Variants in PTGER3 observed in about 807,000 individuals in gnomAD.
PTGER3 encodes the protein prostaglandin E2 receptor EP3 subtype.
In PTGER3, 22 loss-of-function variants were observed where a neutral mutation model predicts 34.7. The ratio of observed to expected loss-of-function variants is 0.63; its 90% confidence interval spans 0.45 to 0.91. The LOEUF (loss-of-function observed/expected upper bound fraction) is 0.91. Ranked by LOEUF, PTGER3 falls within the 40% of genes least tolerant of loss-of-function variation. PTGER3 has a pLI of 0.00. For missense variants in PTGER3, 468 were observed against 519.4 expected (o/e 0.90, Z 0.96); for synonymous variants, 241 against 230.1 (o/e 1.05, Z -0.43).
chr1:70,952,307 G>T (rs1572739751), downstream of PTGER3: 1 of 580,592 alleles, frequency 1.7e-6, no homozygotes, highest in Non-Finnish European at 2.2e-6. Flanking sequence ...GTAACTTCGT[G>T]ATGGGGTTAT....
Position 70,971,679 on chromosome 1 carries a change from C to A in PTGER3, c.*51G>T. The stretch of plus-strand genomic sequence containing the variant: ...TCCTTCTCAGGTGGGAAGAAATATG[C>A]AAATTCAGGGAAGCAGGAATTGCAA... On this transcript the variant is annotated 3_prime_UTR_variant, in exon 4 of 4. Coordinates refer to ENST00000306666, the MANE Select transcript of PTGER3 (RefSeq NM_198719.2). The A allele has an allele frequency of 6.5e-7, 1 of 1,546,016 alleles. No individual in the cohort carries two copies. The highest frequency in any genetic ancestry group is 1.4e-5 in the African/African-American group (1 of 72,012).
intron 4 of PTGER3, among the ~76,000 whole-genome samples, chr1:70,927,529 A>T (rs901981644): frequency 1.3e-5 from 2 of 152,218 alleles, no homozygotes; most frequent in African/African-American, 2.4e-5. Context: ...ACTACATAAC[A>T]TAAAAATGAG....
At chr1:71,000,533 G>T (rs1433441488) in intron 2 of PTGER3, among the ~76,000 whole-genome samples, 1 of 152,116 alleles carries the variant, frequency 6.6e-6, no homozygotes, top group East Asian at 1.9e-4. Context: ...TCATTTTAAA[G>T]CAGATGTGGT....
intron 2 of PTGER3, chr1:70,997,050 T>C (rs1181856481): frequency 6.6e-6 from 1 of 152,194 alleles, no homozygotes; most frequent in Non-Finnish European, 1.5e-5. Flanking sequence ...GGAGGACAGA[T>C]CAATTGAGGT....
At chr1:70,954,420 G>A (rs1174793152) in intron 2 of PTGER3, among the ~76,000 whole-genome samples, 1 of 152,126 alleles carries the variant, frequency 6.6e-6, no homozygotes, top group Non-Finnish European at 1.5e-5. Context: ...TGTGGGGTCA[G>A]GAGTGGGGAC....
downstream of PTGER3, among the ~76,000 whole-genome samples, chr1:70,948,267 T>C (rs548871614): frequency 6.6e-6 from 1 of 152,090 alleles, no homozygotes; most frequent in Non-Finnish European, 1.5e-5. Flanking sequence ...GGTGGTTACC[T>C]CCATGCTGGT....
chr1:70,921,552 C>A (rs1337257864), intron 4 of PTGER3, among the ~76,000 whole-genome samples: 1 of 151,994 alleles, frequency 6.6e-6, no homozygotes, highest in Non-Finnish European at 1.5e-5. Flanking sequence ...TAAGGCATAC[C>A]TCAGAACAGA....
At chr1:70,980,475 A>C (rs1406611317) in intron 2 of PTGER3, among the ~76,000 whole-genome samples, 1 of 152,002 alleles carries the variant, frequency 6.6e-6, no homozygotes, top group African/African-American at 2.4e-5. Context: ...TGGTGGAATT[A>C]AAGGATTAAT....
Position 71,032,558 on chromosome 1 carries a change from C to T in PTGER3, c.897+14123G>A, listed in dbSNP as rs149900879. On this transcript the variant is annotated intron_variant, in intron 1 of 3. Transcript: ENST00000306666. ...AAGACCTAGCCAAAGAGCTGCAAAG[C>T]TATGGCTTAGGCTGGTTCCTTAGGA... Among the ~76,000 whole-genome samples, 830 of 152,328 alleles carry T rather than the reference C, an allele frequency of 5.4e-3. 3 individuals are homozygous for T. Among genetic ancestry groups the T allele is most frequent in the Admixed American group, 8.6e-3 (131 of 15,300 alleles).
At chr1:70,971,877 A>G (rs1326775825) in intron 3 of PTGER3, 144 bp from the exon 4 acceptor site, 13 of 541,750 alleles carry the variant, frequency 2.4e-5, no homozygotes, top group Non-Finnish European at 2.2e-5. Flanking sequence ...AAGTAATTAC[A>G]TGTGTTTTAG....
chr1:70,956,849 G>T (rs1031555605), intron 2 of PTGER3, among the ~76,000 whole-genome samples: 5 of 152,136 alleles, frequency 3.3e-5, no homozygotes, highest in Middle Eastern at 3.2e-3. Flanking sequence ...ACAAAAATTA[G>T]CCAGGTGAGG....
At chr1:71,035,402 T>G (rs1432828971) in intron 1 of PTGER3, among the ~76,000 whole-genome samples, 1 of 152,192 alleles carries the variant, frequency 6.6e-6, no homozygotes, top group African/African-American at 2.4e-5. Context: ...GCACATCTGG[T>G]TCAATATTTT....
At chr1:70,956,319 G>A (rs1365621124) in intron 2 of PTGER3, among the ~76,000 whole-genome samples, 1 of 152,028 alleles carries the variant, frequency 6.6e-6, no homozygotes, top group East Asian at 1.9e-4. Flanking sequence ...ACCGTAACTG[G>A]GAAAACACAG....
chr1:71,043,583 C>G (rs1245054877), intron 1 of PTGER3, among the ~76,000 whole-genome samples: 7 of 152,144 alleles, frequency 4.6e-5, no homozygotes, highest in Non-Finnish European at 1.0e-4. Flanking sequence ...AGAATAGTAT[C>G]CTACACCCAA....
intron 4 of PTGER3, among the ~76,000 whole-genome samples, chr1:70,893,811 A>C (rs1018079609): frequency 6.6e-6 from 1 of 152,184 alleles, no homozygotes; most frequent in Non-Finnish European, 1.5e-5. Context: ...AACAGAGAAA[A>C]TTCATTTGTT....
intron 2 of PTGER3, among the ~76,000 whole-genome samples, chr1:70,977,810 C>T (rs190637387): frequency 2.8e-4 from 43 of 152,122 alleles, no homozygotes; most frequent in African/African-American, 9.2e-4. Context: ...TTTGTCTCTA[C>T]TCCTTCCTCC....
chr1:70,942,274 CT>C (rs1649830075), intron 4 of PTGER3, among the ~76,000 whole-genome samples: 1 of 152,172 alleles, frequency 6.6e-6, no homozygotes, highest in South Asian at 2.1e-4. Flanking sequence ...AAGAGAGTTG[CT>C]GGTGGACCTG....
chr1:70,986,181 G>A (rs1348546246), intron 2 of PTGER3, among the ~76,000 whole-genome samples: 1 of 152,038 alleles, frequency 6.6e-6, no homozygotes, highest in African/African-American at 2.4e-5. Context: ...AAAAGGGGAG[G>A]CATGAATACT....
chr1:70,882,625 C>T (rs1646413841), intron 4 of PTGER3, among the ~76,000 whole-genome samples: 1 of 152,186 alleles, frequency 6.6e-6, no homozygotes, highest in African/African-American at 2.4e-5. Flanking sequence ...GTTGCCTCCA[C>T]AAAATGACCA....
Sources: allele counts gnomAD v4.1 joint callset (sites outside exome capture counted in the v4.1 genomes callset), GRCh38; gene constraint gnomAD v4.1.1; transcripts MANE v1.5; gene names NCBI Gene and HGNC (gene_info 2026-07-23, HGNC 2026-07-21).